Variants in PIK3CD observed in about 807,000 individuals in gnomAD.
PIK3CD encodes phosphatidylinositol-4,5-bisphosphate 3-kinase catalytic subunit delta, also known as phosphatidylinositol 4,5-bisphosphate 3-kinase catalytic subunit delta isoform.
In PIK3CD, 20 loss-of-function variants were observed where a neutral mutation model predicts 122.9. The observed-to-expected ratio is 0.16, with a 90% CI of 0.11 to 0.24. PIK3CD has a LOEUF of 0.24. Among genes scored for constraint, PIK3CD ranks in the 10% least tolerant of loss-of-function variants. The pLI, the probability that PIK3CD is intolerant of heterozygous loss-of-function variation, is 1.00. For missense variants in PIK3CD, 787 were observed against 1,406.3 expected (o/e 0.56, Z 7.04); for synonymous variants, 596 against 593.4 (o/e 1.00, Z -0.06).
At chr1:9,706,978 A>ATTTT (rs373772007) in intron 2 of PIK3CD, among the ~76,000 whole-genome samples, 48 of 139,806 alleles carry the variant, frequency 3.4e-4, no homozygotes, top group African/African-American at 1.2e-3. Context: ...CTAATTTTTA[A>ATTTT]TTTTTTTTTT....
At position 9,704,539 on chromosome 1, in the gene PIK3CD, G is replaced by T. The variant is rs893897326; in HGVS notation, c.-32-5885G>T. Among the ~76,000 whole-genome samples, 4 of 152,120 alleles carry T rather than the reference G, an allele frequency of 2.6e-5. No homozygotes were observed. Among genetic ancestry groups the T allele is most frequent in the Non-Finnish European group, 5.9e-5 (4 of 68,020 alleles). ...TGTTTTGTTTTGTTTTTGAGACAGG[G>T]TCTCACTCTATTGCCCAGGCTGGAG... On this transcript the variant is annotated intron_variant, in intron 2 of 23. Coordinates refer to ENST00000377346, the MANE Select transcript of PIK3CD (RefSeq NM_005026.5). This position sits in a 1 kb window ranked among gnomAD's most constrained non-coding sequence, Gnocchi z 5.0.
At position 9,723,376 on chromosome 1, in the gene PIK3CD, C is replaced by T. The variant is rs1024455982; in HGVS notation, c.2594+84C>T. The T allele has an allele frequency of 2.1e-5, 29 of 1,408,622 alleles. No homozygotes were observed. Among genetic ancestry groups the T allele is most frequent in the South Asian group, 5.8e-5 (5 of 86,458 alleles). The allele number at this position is 1,408,622 out of a possible 1,614,324, so 87.3% of individuals were successfully genotyped here. On this transcript the variant is annotated intron_variant, in intron 20 of 23. Transcript: ENST00000377346. The surrounding 1 kb of genome is among the most constrained non-coding windows in gnomAD (Gnocchi z 4.9). ...GGCCTCGCCTGTCAGAACAAAGGAG[C>T]GGGGAGGGGCCTCAGACCATCTTTG... is the stretch of plus-strand genomic sequence containing the variant.
rs776222411 is a variant in PIK3CD, at chr1:9,715,787, G to T, written c.370+18G>T. 3.1e-6 allele frequency: 5 copies of T among 1,612,516 alleles called. No individual in the cohort carries two copies. In the South Asian group the frequency reaches 5.5e-5, roughly 18 times the overall value. On this transcript the variant is annotated intron_variant, in intron 4 of 23. Coordinates refer to ENST00000377346, the MANE Select transcript of PIK3CD (RefSeq NM_005026.5). This position sits in a 1 kb window ranked among gnomAD's most constrained non-coding sequence, Gnocchi z 4.1. ...CGGCAAAGGTAGCTCTGCCGAGTGG[G>T]CCGTGTGGCCGGGCTGGCCCTGCCT...
chr1:9,684,499 T>C (rs1245074891), intron 1 of PIK3CD, among the ~76,000 whole-genome samples: 1 of 147,906 alleles, frequency 6.8e-6, no homozygotes, highest in Admixed American at 6.9e-5. Flanking sequence ...ATGGTGCCAC[T>C]GTACTCCAGC....
the PIK3CD span, among the ~76,000 whole-genome samples, chr1:9,637,789 A>G: frequency 6.6e-6 from 1 of 152,088 alleles, no homozygotes; most frequent in Non-Finnish European, 1.5e-5. Flanking sequence ...ATACCTCTGA[A>G]AAGTTGTTCT....
chr1:9,702,455 A>AGTTTGACTC (rs1646670954), intron 2 of PIK3CD, among the ~76,000 whole-genome samples: 1 of 124,326 alleles, frequency 8.0e-6, no homozygotes, highest in African/African-American at 3.1e-5. Context: ...CAGAGATCGG[A>AGTTTGACTC]GTTTGACTCT....
At chr1:9,645,646 GC>G in the PIK3CD span, among the ~76,000 whole-genome samples, 3 of 139,478 alleles carry the variant, frequency 2.2e-5, no homozygotes, top group Non-Finnish European at 4.6e-5. Flanking sequence ...CGCTCTTGTT[GC>G]CCAGACTGGA....
At chr1:9,631,432 A>C in the PIK3CD span, among the ~76,000 whole-genome samples, 1 of 152,256 alleles carries the variant, frequency 6.6e-6, no homozygotes, top group African/African-American at 2.4e-5. Context: ...AGGCAGGCAG[A>C]TCACTTGAGG....
chr1:9,627,788 G>A, the PIK3CD span, among the ~76,000 whole-genome samples: 3 of 152,190 alleles, frequency 2.0e-5, no homozygotes, highest in East Asian at 5.8e-4. Flanking sequence ...AGGGATGACT[G>A]CTGCCCAAAG....
chr1:9,650,644 AAAAG>A (rs2100662297), upstream of PIK3CD, among the ~76,000 whole-genome samples: 1 of 152,040 alleles, frequency 6.6e-6, no homozygotes, highest in Admixed American at 6.6e-5. Flanking sequence ...AGAAAAAAGA[AAAAG>A]AAAGAAAAGA....
rs560699195 is a variant in PIK3CD, at chr1:9,700,925, G to A, written c.-33+9354G>A. Among the ~76,000 whole-genome samples, 1 of 152,060 alleles carries A rather than the reference G, an allele frequency of 6.6e-6. No homozygotes were observed. The highest frequency in any genetic ancestry group is 1.9e-4 in the East Asian group (1 of 5,172). ...TCTGATTTAAGTATGTCTGGATTCC[G>A]TTGCTCTCCAGTGCTGTCTCCTTCT... On this transcript the variant is annotated intron_variant, in intron 2 of 23. Transcript: ENST00000377346. This position sits in a 1 kb window ranked among gnomAD's most constrained non-coding sequence, Gnocchi z 5.1.
intron 1 of PIK3CD, chr1:9,687,355 C>G (rs1311227023): frequency 6.6e-6 from 1 of 152,232 alleles, no homozygotes; most frequent in Non-Finnish European, 1.5e-5. Flanking sequence ...GGCTCTGCAC[C>G]CAGAACTCCT....
At chr1:9,695,593 C>T (rs145521055) in intron 2 of PIK3CD, among the ~76,000 whole-genome samples, 4,229 of 152,194 alleles carry the variant, frequency 0.028, 183 homozygotes, top group African/African-American at 0.095. Context: ...CCTGTAATCC[C>T]GGCACTTTGG....
At chr1:9,633,800 C>T in the PIK3CD span, among the ~76,000 whole-genome samples, 1 of 152,194 alleles carries the variant, frequency 6.6e-6, no homozygotes, top group South Asian at 2.1e-4. Context: ...TCTTGGAATG[C>T]TACCTCTGCC....
At chr1:9,701,070 C>T (rs895742016) in intron 2 of PIK3CD, among the ~76,000 whole-genome samples, 4 of 152,108 alleles carry the variant, frequency 2.6e-5, no homozygotes, top group Non-Finnish European at 5.9e-5. Context: ...GGATGAAAAT[C>T]GCATCCCTCA....
intron 1 of PIK3CD, among the ~76,000 whole-genome samples, chr1:9,668,043 A>G (rs1261994861): frequency 6.7e-6 from 1 of 150,266 alleles, no homozygotes; most frequent in African/African-American, 2.5e-5. Context: ...GTGAGCCACC[A>G]CGCCTGGTGT....
intron 15 of PIK3CD, 64 bp downstream of exon 15, chr1:9,721,651 C>A (rs1300276018): frequency 6.2e-5 from 100 of 1,609,560 alleles, no homozygotes; most frequent in Non-Finnish European, 7.5e-5. Context: ...TGGAAGGCCA[C>A]TGGGGACGTT....
chr1:9,632,911 G>A, the PIK3CD span, among the ~76,000 whole-genome samples: 1 of 150,758 alleles, frequency 6.6e-6, no homozygotes, highest in African/African-American at 2.4e-5. Flanking sequence ...GCCCAGGCTG[G>A]AGTGCAGTGG....
In PIK3CD at chr1:9,683,894, C is replaced by G. The variant is rs74054318; in HGVS notation, c.-137-7573C>G. ...GAAGTTTCATCACTCATGTCTGGTA[C>G]CTGGGTGGGATGACGAAGGTTGGGC... On this transcript the variant is annotated intron_variant, in intron 1 of 23. Coordinates refer to ENST00000377346, the MANE Select transcript of PIK3CD (RefSeq NM_005026.5). Among the ~76,000 whole-genome samples the G allele has an allele frequency of 2.0e-5, 3 of 152,054 alleles. No homozygotes were observed. The South Asian group carries it at 6.2e-4, about 32-fold the overall frequency.
Sources: allele counts gnomAD v4.1 joint callset (sites outside exome capture counted in the v4.1 genomes callset), GRCh38; gene constraint gnomAD v4.1.1; non-coding constraint Gnocchi (gnomAD v3.1); transcripts MANE v1.5; gene names NCBI Gene and HGNC (gene_info 2026-07-23, HGNC 2026-07-21).